Variants in RSU1 observed in about 807,000 individuals in gnomAD.
RSU1 encodes the protein Ras suppressor protein 1.
A neutral mutation model predicts 31.1 loss-of-function variants in RSU1; 26 were observed. That is an observed-to-expected ratio of 0.84 (90% CI 0.61 to 1.16). RSU1 has a LOEUF of 1.16. Ranked by LOEUF, RSU1 falls within the 50% of genes most tolerant of loss-of-function variation. The pLI, the probability that RSU1 is intolerant of heterozygous loss-of-function variation, is 0.00. For missense variants in RSU1, 320 were observed against 339.1 expected, an observed-to-expected ratio of 0.94 and a Z score of 0.44; for synonymous variants, 164 against 136.3, an observed-to-expected ratio of 1.20 and a Z score of -1.41.
chr10:16,728,699 C>T (rs1836445136), intron 7 of RSU1, among the ~76,000 whole-genome samples: 1 of 152,138 alleles, frequency 6.6e-6, no homozygotes, highest in Admixed American at 6.5e-5. Context: ...GGGAGGTTAT[C>T]TGGGTGGGCC....
chr10:16,816,870 G>A (rs371711990), intron 2 of RSU1, 103 bp downstream of exon 2: 4 of 780,460 alleles, frequency 5.1e-6, no homozygotes, highest in Non-Finnish European at 4.4e-6. Context: ...GCAGGGGCTG[G>A]GGTCTAAACC....
intron 4 of RSU1, among the ~76,000 whole-genome samples, chr10:16,760,799 T>C (rs1837197990): frequency 6.6e-6 from 1 of 152,136 alleles, no homozygotes; most frequent in Non-Finnish European, 1.5e-5. Flanking sequence ...GCTCGTCTTC[T>C]TATTGGTCTC....
intron 8 of RSU1, among the ~76,000 whole-genome samples, chr10:16,664,266 G>A (rs1246198957): frequency 2.6e-5 from 4 of 152,078 alleles, no homozygotes; most frequent in Admixed American, 6.5e-5. Flanking sequence ...ATACCAAAAC[G>A]ACCACTATCG....
chr10:16,807,019 A>G (rs1412248039), intron 2 of RSU1, among the ~76,000 whole-genome samples: 1 of 152,174 alleles, frequency 6.6e-6, no homozygotes, highest in East Asian at 1.9e-4. Flanking sequence ...TGGCCTCCGG[A>G]AGCGCTGGGA....
At chr10:16,594,673 CATATATTATCT>C (rs1449100896) in intron 8 of RSU1, among the ~76,000 whole-genome samples, 8 of 137,580 alleles carry the variant, frequency 5.8e-5, no homozygotes, top group Non-Finnish European at 9.0e-5. Flanking sequence ...TTATCTATAT[CATATATTATCT>C]GTATATTATA....
intron 8 of RSU1, among the ~76,000 whole-genome samples, chr10:16,660,930 G>T (rs1241810139): frequency 6.6e-6 from 1 of 152,074 alleles, no homozygotes; most frequent in Non-Finnish European, 1.5e-5. Flanking sequence ...TTACAGGTGT[G>T]AGCCACTGTT....
chr10:16,754,865 T>C lies in RSU1; in HGVS notation c.400+6A>G. ...GAGGAGATTTATAGAATTGAAAGTTTCTTACTCAGGTAGAAGAAGTTTCCA... is the reference window on the plus strand; with the variant it reads ...GAGGAGATTTATAGAATTGAAAGTTCCTTACTCAGGTAGAAGAAGTTTCCA... On this transcript the variant is annotated splice_donor_region_variant and intron_variant, in intron 5 of 8. Transcript: ENST00000345264. The C allele has an allele frequency of 6.4e-7, 1 of 1,558,948 alleles. No homozygotes were observed. The highest frequency in any genetic ancestry group is 8.8e-7 in the Non-Finnish European group (1 of 1,131,684).
intron 7 of RSU1, among the ~76,000 whole-genome samples, chr10:16,739,271 C>T (rs1836702150): frequency 6.6e-6 from 1 of 151,772 alleles, no homozygotes; most frequent in African/African-American, 2.4e-5. Context: ...GTTCTAGATC[C>T]TTGAGGAATT....
At chr10:16,689,506 A>C (rs942828189) in intron 8 of RSU1, among the ~76,000 whole-genome samples, 1 of 152,272 alleles carries the variant, frequency 6.6e-6, no homozygotes, top group African/African-American at 2.4e-5. Context: ...TTTGCACAGC[A>C]TGCAGAAGAA....
chr10:16,604,888 G>A (rs764390575), intron 8 of RSU1, among the ~76,000 whole-genome samples: 2 of 152,138 alleles, frequency 1.3e-5, no homozygotes, highest in African/African-American at 2.4e-5. Context: ...AGCTCAAACC[G>A]CGTGGGAAGA....
chr10:16,657,501 A>G lies in RSU1; in HGVS notation c.731+37522T>C, dbSNP rs568892086. ...TTGGGATTTTTTTTTTTCATTTTTA[A>G]TATTACCATAACATCTCAATCATAC... On this transcript the variant is annotated intron_variant, in intron 8 of 8. Transcript: ENST00000345264. 2.0e-5 allele frequency among the ~76,000 whole-genome samples: 3 copies of G among 149,982 alleles called. No homozygotes were observed. The East Asian group carries it at 5.8e-4, about 29-fold the overall frequency.
chr10:16,669,582 C>CT (rs778358810), intron 8 of RSU1, among the ~76,000 whole-genome samples: 2 of 151,966 alleles, frequency 1.3e-5, no homozygotes, highest in Non-Finnish European at 2.9e-5. Flanking sequence ...TCTTCATCTT[C>CT]TTTTTTTTGT....
At chr10:16,645,550 G>A (rs1382821277) in intron 8 of RSU1, among the ~76,000 whole-genome samples, 1 of 152,046 alleles carries the variant, frequency 6.6e-6, no homozygotes, top group Non-Finnish European at 1.5e-5. Flanking sequence ...GGCTCACGCT[G>A]TAATCCCAGC....
intron 7 of RSU1, among the ~76,000 whole-genome samples, chr10:16,698,525 C>T (rs1287170765): frequency 2.0e-5 from 3 of 152,168 alleles, no homozygotes; most frequent in Non-Finnish European, 4.4e-5. Flanking sequence ...TGCTCCCTGA[C>T]TGCCACTCAT....
At chr10:16,745,567 C>T (rs1836834937) in intron 7 of RSU1, among the ~76,000 whole-genome samples, 1 of 152,022 alleles carries the variant, frequency 6.6e-6, no homozygotes, top group Non-Finnish European at 1.5e-5. Flanking sequence ...TGTATGAGAC[C>T]CCCATTTTTA....
At chr10:16,708,825 T>A (rs1471893786) in intron 7 of RSU1, among the ~76,000 whole-genome samples, 2 of 151,948 alleles carry the variant, frequency 1.3e-5, no homozygotes, top group African/African-American at 4.8e-5. Context: ...CTTTTTTTTT[T>A]TAAGCTATCG....
intron 7 of RSU1, chr10:16,727,154 T>A: frequency 4.4e-6 from 2 of 456,578 alleles, no homozygotes; most frequent in Non-Finnish European, 4.4e-6. Flanking sequence ...GCCTCCCATC[T>A]TACCTATAGT....
intron 2 of RSU1, among the ~76,000 whole-genome samples, chr10:16,785,071 C>T (rs7086264): frequency 0.12 from 18,021 of 152,070 alleles, 1,544 homozygotes; most frequent in East Asian, 0.23. Context: ...CTAGGTGTTC[C>T]TGTGAGGGTG....
At chr10:16,599,690 T>A (rs1027499551) in intron 8 of RSU1, among the ~76,000 whole-genome samples, 1 of 152,214 alleles carries the variant, frequency 6.6e-6, no homozygotes, top group African/African-American at 2.4e-5. Flanking sequence ...ACAGTAGGCA[T>A]TTCAGAATGA....
Sources: allele counts gnomAD v4.1 joint callset (sites outside exome capture counted in the v4.1 genomes callset), GRCh38; gene constraint gnomAD v4.1.1; transcripts MANE v1.5; gene names NCBI Gene and HGNC (gene_info 2026-07-23, HGNC 2026-07-21).